The following LDB2 variants were observed in gnomAD, a reference collection of about 807,000 sequenced individuals.
The protein encoded by LDB2 is LIM domain-binding protein 2.
A neutral mutation model predicts 44.3 loss-of-function variants in LDB2; 12 were observed. The ratio of observed to expected loss-of-function variants is 0.27; its 90% confidence interval spans 0.17 to 0.44. The LOEUF is 0.44. Ranked by LOEUF, LDB2 falls within the 20% of genes least tolerant of loss-of-function variation. LDB2 has a pLI of 1.00. For missense variants in LDB2, 344 were observed against 473.5 expected (o/e 0.73, Z 2.54); for synonymous variants, 164 against 174.8 (o/e 0.94, Z 0.49).
intron 2 of LDB2, among the ~76,000 whole-genome samples, chr4:16,646,377 C>G (rs1162267772): frequency 1.3e-5 from 2 of 152,204 alleles, no homozygotes; most frequent in Admixed American, 1.3e-4. Flanking sequence ...CTTTACTCCA[C>G]TCTTTTAATA....
intron 2 of LDB2, among the ~76,000 whole-genome samples, chr4:16,716,868 T>C (rs1264162838): frequency 6.6e-6 from 1 of 152,126 alleles, no homozygotes; most frequent in Non-Finnish European, 1.5e-5. Flanking sequence ...TACTAAATTT[T>C]AATATTCATG....
At chr4:16,556,729 T>C (rs978173509) in intron 5 of LDB2, among the ~76,000 whole-genome samples, 1 of 152,174 alleles carries the variant, frequency 6.6e-6, no homozygotes, top group African/African-American at 2.4e-5. Flanking sequence ...TGTAAATAAA[T>C]ATAACAACAG....
chr4:16,562,749 A>T (rs941633650), intron 5 of LDB2, among the ~76,000 whole-genome samples: 1 of 152,240 alleles, frequency 6.6e-6, no homozygotes, highest in Non-Finnish European at 1.5e-5. Context: ...TCATACTGTT[A>T]TAAAGACACA....
At chr4:16,743,384 A>G (rs917696499) in intron 2 of LDB2, among the ~76,000 whole-genome samples, 1 of 152,034 alleles carries the variant, frequency 6.6e-6, no homozygotes, top group Non-Finnish European at 1.5e-5. Flanking sequence ...GGCCTCCAAG[A>G]TTCCCACCCC....
At chr4:16,664,634 AAATGTGAT>A (rs1332928913) in intron 2 of LDB2, among the ~76,000 whole-genome samples, 1 of 152,222 alleles carries the variant, frequency 6.6e-6, no homozygotes, top group Non-Finnish European at 1.5e-5. Flanking sequence ...TTACTTTTGT[AAATGTGAT>A]TACTAAAAAA....
intron 2 of LDB2, among the ~76,000 whole-genome samples, chr4:16,702,356 G>T (rs937749823): frequency 6.6e-6 from 1 of 152,140 alleles, no homozygotes; most frequent in African/African-American, 2.4e-5. Context: ...GAAATGAAAA[G>T]TCTGAACTGC....
intron 5 of LDB2, among the ~76,000 whole-genome samples, chr4:16,544,819 G>A (rs1427023587): frequency 6.6e-6 from 1 of 152,166 alleles, no homozygotes; most frequent in African/African-American, 2.4e-5. Context: ...TATCAGGCTT[G>A]ACTTTACAGG....
intron 2 of LDB2, among the ~76,000 whole-genome samples, chr4:16,633,752 GA>G (rs762704309): frequency 1.3e-5 from 2 of 152,122 alleles, no homozygotes; most frequent in Non-Finnish European, 2.9e-5. Flanking sequence ...CACAGAACTG[GA>G]AAAAACTATT....
At chr4:16,567,869 A>G (rs969551982) in intron 5 of LDB2, among the ~76,000 whole-genome samples, 4 of 152,238 alleles carry the variant, frequency 2.6e-5, no homozygotes, top group Non-Finnish European at 5.9e-5. Context: ...TTTTTTAACA[A>G]AATGAGATAG....
chr4:16,525,258 T>C (rs1727786195), intron 5 of LDB2, among the ~76,000 whole-genome samples: 1 of 152,150 alleles, frequency 6.6e-6, no homozygotes, highest in Admixed American at 6.5e-5. Context: ...TGGTCTTCTC[T>C]CTCTTGGTTC....
In LDB2 at chr4:16,562,011, GC is replaced by G. The variant is rs556708819; in HGVS notation, c.615+23910del. 1.1e-3 allele frequency among the ~76,000 whole-genome samples: 171 copies of G among 152,306 alleles called. 1 individual carries two copies. In the East Asian group the frequency reaches 0.031, roughly 28 times the overall value. On this transcript the variant is annotated intron_variant, in intron 5 of 7. Transcript: ENST00000304523. ...TAAATGGTGCTGGGAAAACTGGCTA[GC>G]CATATGTAGAAAGCTGAAACTGGAT...
chr4:16,840,101 C>A (rs1462266319), intron 1 of LDB2, among the ~76,000 whole-genome samples: 1 of 152,144 alleles, frequency 6.6e-6, no homozygotes, highest in African/African-American at 2.4e-5. Flanking sequence ...ACAATCCTAT[C>A]AGGAAGGAAA....
intron 2 of LDB2, among the ~76,000 whole-genome samples, chr4:16,700,917 CA>C (rs1352151077): frequency 2.0e-5 from 3 of 152,108 alleles, no homozygotes; most frequent in African/African-American, 7.2e-5. Context: ...TTATATTGAA[CA>C]ATACTAATAT....
rs1468938565 is a variant in LDB2, at chr4:16,570,618, G to A, written c.615+15304C>T. Among the ~76,000 whole-genome samples the A allele has an allele frequency of 5.9e-5, 9 of 151,410 alleles. No homozygotes were observed. In the East Asian group the frequency reaches 1.8e-3, roughly 30 times the overall value. On this transcript the variant is annotated intron_variant, in intron 5 of 7. Transcript: ENST00000304523. ...TACTACAAAAAACAAAACAAATGAT[G>A]AGGTGTGAGAGAAAATAACTAAGGT...
chr4:16,557,105 C>T (rs779961523), intron 5 of LDB2, among the ~76,000 whole-genome samples: 21 of 152,166 alleles, frequency 1.4e-4, no homozygotes, highest in Non-Finnish European at 2.2e-4. Flanking sequence ...CCAAGATGGC[C>T]GAATAGGAAC....
intron 1 of LDB2, among the ~76,000 whole-genome samples, chr4:16,897,878 G>A (rs1435471529): frequency 7.8e-6 from 1 of 127,554 alleles, no homozygotes; most frequent in African/African-American, 2.9e-5. Flanking sequence ...ACTTCCTCTA[G>A]GATTTGTAAA....
At chr4:16,891,102 A>G (rs1051481933) in intron 1 of LDB2, among the ~76,000 whole-genome samples, 26 of 152,136 alleles carry the variant, frequency 1.7e-4, no homozygotes, top group African/African-American at 6.3e-4. Context: ...TTTCCACCAA[A>G]AAATGAGATA....
At chr4:16,520,211 G>A (rs1269739738) in intron 5 of LDB2, among the ~76,000 whole-genome samples, 1 of 151,608 alleles carries the variant, frequency 6.6e-6, no homozygotes, top group East Asian at 1.9e-4. Context: ...GGGGGTGGGG[G>A]GAGATTAAAA....
intron 5 of LDB2, among the ~76,000 whole-genome samples, chr4:16,573,465 T>G (rs779269655): frequency 6.6e-6 from 1 of 152,188 alleles, no homozygotes; most frequent in Admixed American, 6.5e-5. Flanking sequence ...AGTCCACTGG[T>G]CATGCACTAT....
Sources: allele counts gnomAD v4.1 joint callset (sites outside exome capture counted in the v4.1 genomes callset), GRCh38; gene constraint gnomAD v4.1.1; transcripts MANE v1.5; gene names NCBI Gene and HGNC (gene_info 2026-07-23, HGNC 2026-07-21).